The following OTOA variants were observed in gnomAD, a reference collection of about 807,000 sequenced individuals.
The protein encoded by OTOA is otoancorin.
In OTOA, 70 loss-of-function variants were observed where a neutral mutation model predicts 110.8. The observed-to-expected ratio is 0.63, with a 90% CI of 0.52 to 0.77. The LOEUF (loss-of-function observed/expected upper bound fraction) is 0.77, where lower values mean the gene tolerates loss of function less well. Among genes scored for constraint, OTOA ranks in the 30% least tolerant of loss-of-function variants. The pLI is 0.00. For synonymous variants in OTOA, 373 were observed against 431.5 expected, an observed-to-expected ratio of 0.86 and a Z score of 1.68; for missense variants, 917 against 1,075.8, an observed-to-expected ratio of 0.85 and a Z score of 2.06.
At chr16:21,685,078 A>C in intron 6 of OTOA, 152 bp from the exon 7 acceptor site, 1 of 1,069,430 alleles carries the variant, frequency 9.4e-7, no homozygotes, top group Non-Finnish European at 1.4e-6. Flanking sequence ...GCGGCTAATG[A>C]GGAAATTTGG....
intron 28 of OTOA, among the ~76,000 whole-genome samples, chr16:21,760,018 T>A (rs1900118646): frequency 6.6e-6 from 1 of 151,938 alleles, no homozygotes; most frequent in Non-Finnish European, 1.5e-5. Flanking sequence ...TTCCTGCATG[T>A]CCCTGGCTGG....
At chr16:21,719,248 G>C in intron 16 of OTOA, 57 bp downstream of exon 16, 1 of 1,604,106 alleles carries the variant, frequency 6.2e-7, no homozygotes, top group South Asian at 1.1e-5. Flanking sequence ...CCTTCTGCCA[G>C]AGCAGCCTAC....
intron 13 of OTOA, among the ~76,000 whole-genome samples, chr16:21,714,215 T>C (rs929726312): frequency 6.6e-6 from 1 of 151,562 alleles, no homozygotes; most frequent in Admixed American, 6.6e-5. Flanking sequence ...TTCTCTTTCT[T>C]TCTCTCTCTC....
At chr16:21,686,893 A>G (rs558754656) in intron 7 of OTOA, among the ~76,000 whole-genome samples, 1 of 152,154 alleles carries the variant, frequency 6.6e-6, no homozygotes, top group Non-Finnish European at 1.5e-5. Flanking sequence ...ACCCTGTCTC[A>G]AAAATAAAAT....
chr16:21,749,926 C>A (rs1222387481), intron 24 of OTOA, among the ~76,000 whole-genome samples: 1 of 143,822 alleles, frequency 7.0e-6, no homozygotes, highest in African/African-American at 2.5e-5. Flanking sequence ...TTTAAGTGAT[C>A]CTCCTGCTTC....
chr16:21,679,453 G>C (rs1966872468), intron 5 of OTOA, among the ~76,000 whole-genome samples: 1 of 152,084 alleles, frequency 6.6e-6, no homozygotes, highest in South Asian at 2.1e-4. Context: ...CCAGGATGGA[G>C]TGCAGTGGTG....
At position 21,703,442 on chromosome 16, in the gene OTOA, A is replaced by G. The variant is rs187146977; in HGVS notation, c.981-1727A>G. On this transcript the variant is annotated intron_variant, in intron 11 of 28. Coordinates refer to ENST00000646100, the MANE Select transcript of OTOA (RefSeq NM_144672.4). Reference sequence around the variant, plus strand: ...TCCAAGTTCATCCATGGGGTCCCATATGATAGAATTTCCTTCTTTTTCAAA... The same window carrying G: ...TCCAAGTTCATCCATGGGGTCCCATGTGATAGAATTTCCTTCTTTTTCAAA... 5.1e-4 allele frequency among the ~76,000 whole-genome samples: 77 copies of G among 152,246 alleles called. 1 individual carries two copies. Among genetic ancestry groups the G allele is most frequent in the African/African-American group, 1.8e-3 (73 of 41,542 alleles).
intron 2 of OTOA, 97 bp from the exon 3 acceptor site, chr16:21,678,818 A>G (rs1195165058): frequency 6.8e-7 from 1 of 1,464,350 alleles, no homozygotes; most frequent in Non-Finnish European, 9.5e-7. Context: ...AATTTCCTTC[A>G]TGAGTGGCTT....
rs1966941149 is a variant in OTOA, at chr16:21,683,745, G to A, written c.268-1485G>A. Among the ~76,000 whole-genome samples the A allele has an allele frequency of 2.0e-5, 3 of 148,294 alleles. 1 individual carries two copies. The highest frequency in any genetic ancestry group is 2.2e-4 in the South Asian group (1 of 4,646). On this transcript the variant is annotated intron_variant, in intron 6 of 28. Transcript: ENST00000646100. ...AAACAAAAAACAGATGTCCAATTTC[G>A]TTTGAATTTCAGATAAATAATGAGT...
intron 7 of OTOA, among the ~76,000 whole-genome samples, chr16:21,686,594 A>C (rs1426688089): frequency 6.6e-6 from 1 of 152,086 alleles, no homozygotes; most frequent in Non-Finnish European, 1.5e-5. Context: ...TTCCAGGCCA[A>C]TCAGTCCTTT....
In OTOA at chr16:21,728,355, C is replaced by T. The variant is rs776265737; in HGVS notation, c.2131C>T (p.His711Tyr). The stretch of plus-strand genomic sequence containing the variant: ...CCCCAGGGCTTGGGCGACTGCTCTA[C>T]ACGGCCTCAGAGACTGCCCAGACCT... ...ISPRAWATAL[H>Y]GLRDCPDLNP... is the part of the protein sequence containing the mutation. Residue 711 changes from histidine to tyrosine, a missense_variant, in exon 20 of 29, where the codon CAC (histidine) becomes TAC (tyrosine). Around this residue, in one of 6 missense-constraint regions of OTOA, gnomAD observed 840 missense variants for 910.2 expected, o/e 0.92. Transcript: ENST00000646100. The T allele has an allele frequency of 1.2e-6, 2 of 1,614,190 alleles. No homozygotes were observed. The highest frequency in any genetic ancestry group is 1.6e-4 in the Middle Eastern group (1 of 6,062).
At chr16:21,727,152 G>C (rs1898948203) in intron 19 of OTOA, 1 of 189,192 alleles carries the variant, frequency 5.3e-6, no homozygotes, top group South Asian at 1.1e-4. Flanking sequence ...AAGTAGCTGG[G>C]ACTACAGGTG....
chr16:21,738,071 A>G (rs1481466881), intron 22 of OTOA, among the ~76,000 whole-genome samples: 3 of 152,120 alleles, frequency 2.0e-5, no homozygotes, highest in African/African-American at 7.2e-5. Context: ...GCCAAGAAGG[A>G]AAATAAAGCA....
chr16:21,681,683 G>A (rs990839591), intron 5 of OTOA, 55 bp from the exon 6 acceptor site: 4 of 1,490,724 alleles, frequency 2.7e-6, no homozygotes, highest in East Asian at 4.5e-5. Flanking sequence ...TAGTACAGTA[G>A]TGCTTGTAGG....
chr16:21,758,867 T>TG (rs1222071901), intron 28 of OTOA, among the ~76,000 whole-genome samples: 1 of 151,522 alleles, frequency 6.6e-6, no homozygotes, highest in African/African-American at 2.4e-5. Flanking sequence ...CCGGGTGTGG[T>TG]GGGGGGCACC....
intron 12 of OTOA, among the ~76,000 whole-genome samples, chr16:21,707,388 A>T (rs1177922474): frequency 6.6e-6 from 1 of 151,990 alleles, no homozygotes; most frequent in African/African-American, 2.4e-5. Flanking sequence ...GGGCCTGTTC[A>T]AATACAGCTT....
chr16:21,760,013 G>T (rs967142067), intron 28 of OTOA, among the ~76,000 whole-genome samples: 1 of 151,916 alleles, frequency 6.6e-6, no homozygotes, highest in Admixed American at 6.6e-5. Context: ...GATGTTTCCT[G>T]CATGTCCCTG....
rs1414247536 is a variant in OTOA at position 21,728,316 on chromosome 16, G to C, written c.2092G>C (p.Asp698His). 8.1e-6 allele frequency: 13 copies of C among 1,614,140 alleles called. No homozygotes were observed. The highest frequency in any genetic ancestry group is 1.1e-5 in the Non-Finnish European group (13 of 1,180,024). The part of the protein sequence containing the change: ...LLCHLPAAII[D>H]RGISPRAWAT... Reference sequence around the variant, plus strand: ...GTGTCACTTGCCGGCAGCCATCATCGACAGGGGGATCTCCCCCAGGGCTTG... The same window carrying C: ...GTGTCACTTGCCGGCAGCCATCATCCACAGGGGGATCTCCCCCAGGGCTTG... The change falls in exon 20 of 29, where the codon GAC (aspartate) becomes CAC (histidine). Residue 698 changes from aspartate to histidine, a missense_variant. By Grantham distance (81) the Asp-to-His change is moderately conservative. Transcript: ENST00000646100.
At chr16:21,732,727 A>T (rs887473970) in intron 21 of OTOA, among the ~76,000 whole-genome samples, 5 of 151,856 alleles carry the variant, frequency 3.3e-5, no homozygotes, top group Non-Finnish European at 4.4e-5. Flanking sequence ...AAGTAAATAA[A>T]TAAATAGTAG....
Sources: allele counts gnomAD v4.1 joint callset (sites outside exome capture counted in the v4.1 genomes callset), GRCh38; gene constraint gnomAD v4.1.1; regional missense constraint gnomAD v4.1.1; transcripts MANE v1.5; gene names NCBI Gene and HGNC (gene_info 2026-07-23, HGNC 2026-07-21).